SNX30: variants seen among roughly 807,000 people sequenced by gnomAD.
SNX30 encodes the protein sorting nexin-30.
SNX30 carries 24 observed loss-of-function variants against 46.4 expected under a neutral mutation model. That is an observed-to-expected ratio of 0.52 (90% CI 0.37 to 0.73). The LOEUF (loss-of-function observed/expected upper bound fraction) is 0.73. Among genes scored for constraint, SNX30 ranks in the 30% least tolerant of loss-of-function variants. The pLI is 0.00. For missense variants in SNX30, 533 were observed against 555.7 expected (o/e 0.96, Z 0.41); for synonymous variants, 189 against 211.5 (o/e 0.89, Z 0.92).
At chr9:112,832,491 T>TGAGAGA (rs1564284710) in intron 4 of SNX30, among the ~76,000 whole-genome samples, 1 of 135,698 alleles carries the variant, frequency 7.4e-6, no homozygotes, top group Non-Finnish European at 1.5e-5. Context: ...TGTGTGTGTG[T>TGAGAGA]GTGTGAGAGA....
chr9:112,786,130 T>C (rs2131381082), intron 1 of SNX30, among the ~76,000 whole-genome samples: 1 of 151,664 alleles, frequency 6.6e-6, no homozygotes, highest in South Asian at 2.1e-4. Flanking sequence ...TTTTTTTTTT[T>C]TTTTGGAGAC....
At chr9:112,855,029 C>T (rs907429747) in intron 7 of SNX30, among the ~76,000 whole-genome samples, 80 of 152,296 alleles carry the variant, frequency 5.3e-4, no homozygotes, top group African/African-American at 1.8e-3. Context: ...TTTCTGACCA[C>T]AGTGTTTTAG....
intron 1 of SNX30, among the ~76,000 whole-genome samples, chr9:112,795,334 G>A (rs11794493): frequency 0.014 from 2,073 of 152,288 alleles, 32 homozygotes; most frequent in Non-Finnish European, 0.023. Flanking sequence ...TGCTTAAGTT[G>A]CACTGGTAGT....
At chr9:112,834,985 A>G (rs371205098) in intron 4 of SNX30, among the ~76,000 whole-genome samples, 2 of 152,180 alleles carry the variant, frequency 1.3e-5, no homozygotes, top group South Asian at 2.1e-4. Flanking sequence ...CAGATACTAT[A>G]GAGACCTCAG....
Position 112,832,457 on chromosome 9 carries a change from AGAGT to A in SNX30, c.618+1576_618+1579del, listed in dbSNP as rs1334708219. On this transcript the variant is annotated intron_variant, in intron 4 of 8. Transcript: ENST00000374232. ...GAGAGAGAGAGAGAGAGAGAGAGAG[AGAGT>A]GTGTGTGTGTGTGTGTGTGTGTGTG... Among the ~76,000 whole-genome samples the A allele has an allele frequency of 2.1e-3, 238 of 112,286 alleles. 1 individual carries two copies. Among genetic ancestry groups the A allele is most frequent in the South Asian group, 6.4e-3 (23 of 3,592 alleles). 73.7% of individuals were successfully genotyped at this position (112,286 alleles called of 152,430 possible). A position where few individuals can be genotyped will look rare whatever the true frequency, so the allele number is the denominator to read the frequency against.
At chr9:112,881,063 T>G (rs1458424548) in intron 5 of SNX30, among the ~76,000 whole-genome samples, 1 of 152,258 alleles carries the variant, frequency 6.6e-6, no homozygotes, top group Admixed American at 6.5e-5. Flanking sequence ...TGCCTCATCG[T>G]CTGCCTTTCC....
chr9:112,792,893 C>A (rs200414760), intron 1 of SNX30, among the ~76,000 whole-genome samples: 43 of 98,962 alleles, frequency 4.3e-4, no homozygotes, highest in African/African-American at 1.7e-3. Context: ...TTTTTTTTTT[C>A]TTTTTCTTTT....
chr9:112,854,548 A>G (rs1440054263), intron 7 of SNX30, among the ~76,000 whole-genome samples: 1 of 152,162 alleles, frequency 6.6e-6, no homozygotes, highest in African/African-American at 2.4e-5. Flanking sequence ...TCCTGGTGGG[A>G]TGTTGAACCA....
intron 1 of SNX30, among the ~76,000 whole-genome samples, chr9:112,772,780 G>A (rs149669312): frequency 0.011 from 1,650 of 152,316 alleles, 31 homozygotes; most frequent in African/African-American, 0.034. Context: ...CTACATAAAC[G>A]AATATGTCTT....
intron 3 of SNX30, among the ~76,000 whole-genome samples, chr9:112,822,546 T>G (rs1840519248): frequency 6.7e-6 from 1 of 150,094 alleles, no homozygotes; most frequent in Middle Eastern, 3.4e-3. Context: ...GTTTTGTTTT[T>G]TTTTTTTGTA....
In SNX30 at chr9:112,804,756, G is replaced by A. The variant is rs1311036666; in HGVS notation, c.157-20G>A. ...CAGTATGTTTTCATTTAATTTTAAG[G>A]TGCTCTTTTCTTCTTTTAGGATCTC... is the stretch of plus-strand genomic sequence containing the variant. On this transcript the variant is annotated intron_variant, in intron 1 of 8. Transcript: ENST00000374232. 3 of 1,584,212 alleles carry A rather than the reference G, an allele frequency of 1.9e-6. No individual in the cohort carries two copies. The highest frequency in any genetic ancestry group is 2.6e-6 in the Non-Finnish European group (3 of 1,163,906).
In SNX30 at chr9:112,873,512, C is replaced by A. The variant is rs544089774; in HGVS notation, c.*4669C>A. ...ATCTAACATAGTCAGTCCTCAGGCC[C>A]CCTAAAGAAACAAGCAAGAAAGTGA... On this transcript the variant is annotated 3_prime_UTR_variant, in exon 9 of 9. Coordinates refer to ENST00000374232, the MANE Select transcript of SNX30 (RefSeq NM_001012994.2). 5 of 152,268 alleles carry A rather than the reference C, an allele frequency of 3.3e-5. No homozygotes were observed. Among genetic ancestry groups the A allele is most frequent in the African/African-American group, 1.2e-4 (5 of 41,538 alleles). The allele number at this position is 152,268 out of a possible 1,614,324, so 9.4% of individuals were successfully genotyped here.
At chr9:112,879,624 CATTCTG>C (rs1841553156), downstream of SNX30, 1 of 725,192 alleles carries the variant, frequency 1.4e-6, no homozygotes, top group African/African-American at 1.8e-5. Context: ...CAGAGCAGGT[CATTCTG>C]AGGCCAACTC....
intron 8 of SNX30, chr9:112,866,590 C>T: frequency 2.1e-6 from 1 of 467,406 alleles, no homozygotes; most frequent in Non-Finnish European, 4.4e-6. Context: ...GTTTAGCTTC[C>T]TCTCTAACCT....
chr9:112,815,465 A>G (rs1378819029), intron 2 of SNX30, among the ~76,000 whole-genome samples: 4 of 151,910 alleles, frequency 2.6e-5, no homozygotes, highest in South Asian at 2.1e-4. Context: ...GGTTCAAGCA[A>G]TTCTTATGCC....
intron 1 of SNX30, among the ~76,000 whole-genome samples, chr9:112,783,903 G>A (rs1839882371): frequency 6.6e-6 from 1 of 152,194 alleles, no homozygotes; most frequent in Non-Finnish European, 1.5e-5. Context: ...ATGTTAAGGT[G>A]TACCCAGTGA....
Position 112,751,267 on chromosome 9 carries a change from C to G in SNX30, c.156+110C>G, listed in dbSNP as rs893862889. The G allele has an allele frequency of 4.0e-6, 5 of 1,235,112 alleles. No individual in the cohort carries two copies. The African/African-American group carries it at 6.3e-5, about 15-fold the overall frequency. The allele number at this position is 1,235,112 out of a possible 1,614,324, so 76.5% of individuals were successfully genotyped here. ...GGCCGCGCCCACCCTGCCGCCCCTT[C>G]CCGGGGGACGGGCGTGTCCTGGCCC... On this transcript the variant is annotated intron_variant, in intron 1 of 8. Coordinates refer to ENST00000374232, the MANE Select transcript of SNX30 (RefSeq NM_001012994.2).
At chr9:112,866,018 C>T (rs1210418702) in intron 8 of SNX30, among the ~76,000 whole-genome samples, 1 of 152,070 alleles carries the variant, frequency 6.6e-6, no homozygotes, top group Non-Finnish European at 1.5e-5. Context: ...GTCTTAAGTA[C>T]GTGTTTATCT....
At chr9:112,876,341 G>A (rs1588147356), downstream of SNX30, among the ~76,000 whole-genome samples, 1 of 152,062 alleles carries the variant, frequency 6.6e-6, no homozygotes, top group African/African-American at 2.4e-5. Context: ...GAGGCTGGGC[G>A]TGGTGGCTCA....
Sources: gnomAD v4.1 joint callset for allele counts (sites outside exome capture counted in the v4.1 genomes callset) on GRCh38, gnomAD v4.1.1 for gene constraint, MANE v1.5 for transcripts, NCBI Gene and HGNC (gene_info 2026-07-23, HGNC 2026-07-21) for gene names.